C2orf92: variants seen among roughly 807,000 people sequenced by gnomAD.
The protein encoded by C2orf92 is uncharacterized protein C2orf92.
At position 97,684,270 on chromosome 2, in the gene C2orf92, C is replaced by T. The variant is rs185589565; in HGVS notation, c.233-4625C>T. 6.5e-4 allele frequency among the ~76,000 whole-genome samples: 99 copies of T among 152,166 alleles called. No individual in the cohort carries two copies. In the East Asian group the frequency reaches 0.012, roughly 19 times the overall value. ...CAGGATGGTTTCGATCCCCTGACCT[C>T]GTGATCCGCCCACCTCGGCCTCCCA... On this transcript the variant is annotated intron_variant, in intron 3 of 7. Transcript: ENST00000627399.
intron 6 of C2orf92, among the ~76,000 whole-genome samples, chr2:97,700,318 C>G (rs1480132851): frequency 1.3e-5 from 2 of 152,146 alleles, no homozygotes; most frequent in Admixed American, 6.5e-5. Flanking sequence ...CCTACACACA[C>G]GAGGCAGATT....
chr2:97,671,376 A>C, intron 1 of C2orf92: 1 of 396,554 alleles, frequency 2.5e-6, no homozygotes, highest in Non-Finnish European at 4.4e-6. Context: ...CGAACTCCTG[A>C]CCTCAAGTGA....
At chr2:97,690,737 T>A (rs1676106070) in intron 5 of C2orf92, among the ~76,000 whole-genome samples, 1 of 150,200 alleles carries the variant, frequency 6.7e-6, no homozygotes, top group African/African-American at 2.5e-5. Context: ...CAGATGGTGC[T>A]CAGACTCTCT....
upstream of C2orf92, chr2:97,665,773 A>ATTTG (rs1675211824): frequency 1.0e-5 from 1 of 98,034 alleles, no homozygotes; most frequent in Non-Finnish European, 2.0e-5. Context: ...ATATATATAT[A>ATTTG]TTTTGTTTTG....
In C2orf92 at chr2:97,674,581, CAT is replaced by C. The variant is rs573183573; in HGVS notation, c.148+25_148+26del. 1.3e-3 allele frequency: 526 copies of C among 398,568 alleles called. 3 individuals are homozygous for C. The highest frequency in any genetic ancestry group is 9.6e-3 in the African/African-American group (470 of 48,752). The allele number at this position is 398,568 out of a possible 1,614,324, so 24.7% of individuals were successfully genotyped here. ...AAGCAAGTATATGTCGTTAACCTGA[CAT>C]GTGTACATACCTCTACAGACCTCTG... is the stretch of plus-strand genomic sequence containing the variant. On this transcript the variant is annotated intron_variant, in intron 2 of 7. Transcript: ENST00000627399.
Position 97,687,177 on chromosome 2 carries a change from C to T in C2orf92, c.233-1718C>T, listed in dbSNP as rs868000873. ...GCCAGGAGTTCCAGACCAGCCTAGG[C>T]AACATAGCAAGACCCTGTTTCTATA... On this transcript the variant is annotated intron_variant, in intron 3 of 7. Coordinates refer to ENST00000627399, the MANE Select transcript of C2orf92 (RefSeq NM_001351368.2). Among the ~76,000 whole-genome samples the T allele has an allele frequency of 5.3e-5, 8 of 152,148 alleles. No homozygotes were observed. The South Asian group carries it at 1.0e-3, about 20-fold the overall frequency.
chr2:97,664,017 A>C, upstream of C2orf92: 1 of 429,880 alleles, frequency 2.3e-6, no homozygotes. Flanking sequence ...CCGAGCCTGC[A>C]GCCTACGCGA....
chr2:97,699,906 T>C (rs985513237), intron 6 of C2orf92, among the ~76,000 whole-genome samples: 2 of 152,262 alleles, frequency 1.3e-5, no homozygotes, highest in African/African-American at 2.4e-5. Context: ...TGGCATAGCA[T>C]AGCTGAAGGT....
At chr2:97,682,409 A>T (rs1675805340) in intron 3 of C2orf92, among the ~76,000 whole-genome samples, 1 of 152,212 alleles carries the variant, frequency 6.6e-6, no homozygotes, top group Non-Finnish European at 1.5e-5. Context: ...ACCAGTCCTC[A>T]AACCCTTCCA....
intron 3 of C2orf92, among the ~76,000 whole-genome samples, chr2:97,685,195 T>C (rs139938153): frequency 0.055 from 8,226 of 150,570 alleles, 605 homozygotes; most frequent in African/African-American, 0.17. Context: ...TCCCAAAGTG[T>C]TGGGATTACA....
In C2orf92 at chr2:97,699,134, C is replaced by A. The variant is rs1676410554; in HGVS notation, c.512C>A (p.Pro171Gln). 2.5e-6 allele frequency: 1 copy of A among 398,516 alleles called. No individual in the cohort carries two copies. Among genetic ancestry groups the A allele is most frequent in the East Asian group, 3.6e-5 (1 of 28,058 alleles). The allele number at this position is 398,516 out of a possible 1,614,324, so 24.7% of individuals were successfully genotyped here. A position where few individuals can be genotyped will look rare whatever the true frequency, so the allele number is the denominator to read the frequency against. ...GAAACACTTCAAGGAGCAGCTAAAC[C>A]AGGTGGGAATCTATATGGCCTATAA... The part of the protein sequence containing the change: ...DKETLQGAAK[P>Q]DAHFRTMPCG... The change falls in exon 6 of 8, where the codon CCA becomes CAA. Residue 171 changes from proline (P) to glutamine (Q), a missense_variant and splice_region_variant. Physicochemically the swap from Pro to Gln is moderately conservative, Grantham distance 76. Transcript: ENST00000627399.
At chr2:97,682,334 G>A (rs924180560) in intron 3 of C2orf92, among the ~76,000 whole-genome samples, 4 of 152,104 alleles carry the variant, frequency 2.6e-5, no homozygotes, top group African/African-American at 7.2e-5. Flanking sequence ...ATTTTCCAAC[G>A]AAGAAAGTCT....
intron 6 of C2orf92, among the ~76,000 whole-genome samples, chr2:97,699,947 A>G (rs1676437863): frequency 1.3e-5 from 2 of 152,204 alleles, no homozygotes; most frequent in South Asian, 4.1e-4. Context: ...TTTTCTCCCC[A>G]TCACCCAAGA....
rs1390723115 is a variant in C2orf92 at position 97,699,094 on chromosome 2, A to C, written c.472A>C (p.Thr158Pro). The C allele has an allele frequency of 1.0e-5, 4 of 398,530 alleles. No individual in the cohort carries two copies. The highest frequency in any genetic ancestry group is 4.4e-5 in the Admixed American group (1 of 22,724). The allele number at this position is 398,530 out of a possible 1,614,324, so 24.7% of individuals were successfully genotyped here. The change falls in exon 6 of 8, where the codon ACT becomes CCT. Residue 158 changes from threonine to proline, a missense_variant. By Grantham distance (38) the Thr-to-Pro change is conservative (BLOSUM62 -1). Transcript: ENST00000627399. ...LFDRDLREQL[T>P]TIDKETLQGA... ...CGACAGGGATTTAAGAGAGCAGTTA[A>C]CTACTATAGATAAAGAAACACTTCA...
intron 3 of C2orf92, among the ~76,000 whole-genome samples, chr2:97,683,803 C>T (rs1391913736): frequency 6.6e-6 from 1 of 151,992 alleles, no homozygotes; most frequent in East Asian, 1.9e-4. Context: ...TCACATAGAC[C>T]AGTAGAATAG....
At chr2:97,665,756 TATATATA>T (rs1350162642), upstream of C2orf92, 114 of 133,510 alleles carry the variant, frequency 8.5e-4, no homozygotes, top group African/African-American at 2.9e-3. Context: ...TATATATATA[TATATATA>T]TATATATATA....
chr2:97,688,250 G>A (rs1676027370), intron 3 of C2orf92, among the ~76,000 whole-genome samples: 1 of 152,024 alleles, frequency 6.6e-6, no homozygotes, highest in Non-Finnish European at 1.5e-5. Flanking sequence ...GTGAGCTCCT[G>A]TTACATCAAG....
intron 1 of C2orf92, 28 bp from the exon 2 acceptor site, chr2:97,674,428 T>A (rs1283888947): frequency 2.5e-6 from 1 of 398,414 alleles, no homozygotes; most frequent in Non-Finnish European, 4.4e-6. Flanking sequence ...TTGCTGATAT[T>A]AACATGCCTT....
At chr2:97,685,287 A>G (rs1314505313) in intron 3 of C2orf92, among the ~76,000 whole-genome samples, 3 of 141,642 alleles carry the variant, frequency 2.1e-5, no homozygotes, top group African/African-American at 8.0e-5. Context: ...TTTTTTTGAG[A>G]CAAAGTCTCG....
Sources: gnomAD v4.1 joint callset for allele counts (sites outside exome capture counted in the v4.1 genomes callset) on GRCh38, gnomAD v4.1.1 for gene constraint, MANE v1.5 for transcripts, NCBI Gene and HGNC (gene_info 2026-07-23, HGNC 2026-07-21) for gene names.